Variants in DMRTA2 observed in about 807,000 individuals in gnomAD.
The protein encoded by DMRTA2 is doublesex- and mab-3-related transcription factor A2.
A neutral mutation model predicts 29.7 loss-of-function variants in DMRTA2; 10 were observed. The ratio of observed to expected loss-of-function variants is 0.34; its 90% CI spans 0.21 to 0.57. The LOEUF (loss-of-function observed/expected upper bound fraction) is 0.57. Ranked by LOEUF, DMRTA2 falls within the 20% of genes least tolerant of loss-of-function variation. DMRTA2 has a pLI of 0.87. For missense variants in DMRTA2, 783 were observed against 812.1 expected, an observed-to-expected ratio of 0.96 and a Z score of 0.44; for synonymous variants, 469 against 402.6, an observed-to-expected ratio of 1.16 and a Z score of -1.97.
At position 50,419,478 on chromosome 1, in the gene DMRTA2, G is replaced by A. The variant is rs1317062856; in HGVS notation, c.816C>T (p.Gly272=). The change falls in exon 3 of 3, where the codon GGC becomes GGT. Residue 272 remains glycine (G), a synonymous_variant. Coordinates refer to ENST00000404795, the MANE Select transcript of DMRTA2 (RefSeq NM_032110.3). This position sits in a 1 kb window ranked among gnomAD's most constrained non-coding sequence, Gnocchi z 6.1. ...SCPGSAGPGG[G]GEEDSPGSAS... ...CGGAGCCCGGGCTGTCCTCCTCGCCGCCGCCGCCAGGGCCAGCGCTGCCTG... is the reference window on the plus strand; with the variant it reads ...CGGAGCCCGGGCTGTCCTCCTCGCCACCGCCGCCAGGGCCAGCGCTGCCTG... 2 of 1,593,742 alleles carry A rather than the reference G, an allele frequency of 1.3e-6. No individual in the cohort carries two copies. Among genetic ancestry groups the A allele is most frequent in the Non-Finnish European group, 8.5e-7 (1 of 1,175,154 alleles).
Position 50,421,495 on chromosome 1 carries a change from C to A in DMRTA2, c.42G>T (p.Ala14=). 1 of 1,272,224 alleles carries A rather than the reference C, an allele frequency of 7.9e-7. No individual in the cohort carries two copies. Among genetic ancestry groups the A allele is most frequent in the Non-Finnish European group, 9.8e-7 (1 of 1,015,554 alleles). 78.8% of individuals were successfully genotyped at this position (1,272,224 alleles called of 1,614,324 possible). The change falls in exon 2 of 3, where the codon GCG becomes GCT. Residue 14 remains alanine, a synonymous_variant. Transcript: ENST00000404795. This position sits in a 1 kb window ranked among gnomAD's most constrained non-coding sequence, Gnocchi z 8.7. ...RSELPSVPGA[A]TAAAATATGP... ...CCGTCGCTGTTGCCGCCGCCGCCGT[C>A]GCCGCGCCGGGCACGCTGGGCAGCT...
In DMRTA2 at chr1:50,419,177, C is replaced by T. The variant is rs1216004882; in HGVS notation, c.1117G>A (p.Val373Met). The T allele has an allele frequency of 3.0e-6, 4 of 1,342,012 alleles. No individual in the cohort carries two copies. Among genetic ancestry groups the T allele is most frequent in the Non-Finnish European group, 3.8e-6 (4 of 1,053,176 alleles). The allele number at this position is 1,342,012 out of a possible 1,614,324, so 83.1% of individuals were successfully genotyped here. The change falls in exon 3 of 3, where the codon GTG (valine) becomes ATG (methionine). Residue 373 changes from valine to methionine, a missense_variant. Physicochemically the swap from Val to Met is conservative, Grantham distance 21 (BLOSUM62 1). Around this residue, in one of 3 missense-constraint regions of DMRTA2, gnomAD observed 667 missense variants for 624.8 expected, o/e 1.07. Transcript: ENST00000404795. The surrounding 1 kb of genome is among the most constrained non-coding windows in gnomAD (Gnocchi z 6.1). The stretch of plus-strand genomic sequence containing the variant: ...TCGTCTGCAGCTGCTGCAGCACCCA[C>T]GGCGGCCTTATCTGGGGGCGCCGCA... ...GPAAPPDKAA[V>M]GAAAAADDAW...
Position 50,420,322 on chromosome 1 carries a change from G to A in DMRTA2, c.560-588C>T, listed in dbSNP as rs75511737. ...ATCCCTCCTTTCCCTCAACGGCTCT[G>A]GCCTAATTTCTTCCCTCCCCACAAA... is the stretch of plus-strand genomic sequence containing the variant. On this transcript the variant is annotated intron_variant, in intron 2 of 2. Coordinates refer to ENST00000404795, the MANE Select transcript of DMRTA2 (RefSeq NM_032110.3). This position sits in a 1 kb window ranked among gnomAD's most constrained non-coding sequence, Gnocchi z 4.1. Among the ~76,000 whole-genome samples the A allele has an allele frequency of 2.4e-4, 37 of 152,216 alleles. No homozygotes were observed. The highest frequency in any genetic ancestry group is 8.2e-4 in the African/African-American group (34 of 41,524).
At position 50,418,669 on chromosome 1, in the gene DMRTA2, T is replaced by C; in HGVS notation, c.1625A>G (p.Gln542Arg). 1 of 1,399,386 alleles carries C rather than the reference T, an allele frequency of 7.1e-7. No individual in the cohort carries two copies. The allele number at this position is 1,399,386 out of a possible 1,614,324, so 86.7% of individuals were successfully genotyped here. A position where few individuals can be genotyped will look rare whatever the true frequency, so the allele number is the denominator to read the frequency against. Residue 542 changes from glutamine to arginine, a missense_variant, in exon 3 of 3, where the codon CAG becomes CGG. By Grantham distance (43) the Gln-to-Arg change is conservative. Transcript: ENST00000404795. ...CCGGCTGCCAGGCCCCTCGCCCTAC[T>C]GCTTCTCCGGAGCGCCGTTGACCAT... ...GPMVNGAPEKQ is the reference protein window; with the variant it reads ...GPMVNGAPEKR
Position 50,420,998 on chromosome 1 carries a change from G to A in DMRTA2, c.539C>T (p.Ala180Val), listed in dbSNP as rs1342989117. ...CTCACCTGAGCCCCCTGCGCCAGCT[G>A]CTCCGCCTCCGGTCCCCGCGGGCGC... ...AGAPAGTGGG[A>V]AGAGGSEAKL... The change falls in exon 2 of 3, where the codon GCA (alanine) becomes GTA (valine). Residue 180 changes from alanine to valine, a missense_variant. Around this residue, in one of 3 missense-constraint regions of DMRTA2, gnomAD observed 667 missense variants for 624.8 expected, o/e 1.07. Transcript: ENST00000404795. This position sits in a 1 kb window ranked among gnomAD's most constrained non-coding sequence, Gnocchi z 4.1. 1.3e-6 allele frequency: 2 copies of A among 1,503,666 alleles called. No homozygotes were observed. The highest frequency in any genetic ancestry group is 2.5e-5 in the South Asian group (2 of 80,944). The allele number at this position is 1,503,666 out of a possible 1,614,324, so 93.1% of individuals were successfully genotyped here. A position where few individuals can be genotyped will look rare whatever the true frequency, so the allele number is the denominator to read the frequency against.
At chr1:50,423,072 C>G (rs1261768051) in intron 1 of DMRTA2, 44 bp downstream of exon 1, 2 of 152,408 alleles carry the variant, frequency 1.3e-5, no homozygotes, top group Non-Finnish European at 2.9e-5. Context: ...GGCCGCAGAC[C>G]AGGTCTCCAC....
At position 50,419,122 on chromosome 1, in the gene DMRTA2, G is replaced by T. The variant is rs1487178666; in HGVS notation, c.1172C>A (p.Ala391Asp). 1 of 1,194,936 alleles carries T rather than the reference G, an allele frequency of 8.4e-7. No individual in the cohort carries two copies. The highest frequency in any genetic ancestry group is 1.0e-6 in the Non-Finnish European group (1 of 969,284). 74.0% of individuals were successfully genotyped at this position (1,194,936 alleles called of 1,614,324 possible). The change falls in exon 3 of 3, where the codon GCC becomes GAC. Residue 391 changes from alanine (A) to aspartate (D), a missense_variant. By Grantham distance (126) the Ala-to-Asp change is moderately radical (BLOSUM62 -2). Coordinates refer to ENST00000404795, the MANE Select transcript of DMRTA2 (RefSeq NM_032110.3). This position sits in a 1 kb window ranked among gnomAD's most constrained non-coding sequence, Gnocchi z 6.1. The stretch of plus-strand genomic sequence containing the variant: ...CCCCCCGGCGGCGGCGGCGGCGGCG[G>T]CGGCGGCGTCGACGCGGCTGGGCCA... ...DAWPSRVDAA[A>D]AAAAAAGGPG...
rs1180664979 is a variant in DMRTA2 at position 50,418,243 on chromosome 1, T to A, written c.*422A>T. On this transcript the variant is annotated 3_prime_UTR_variant, in exon 3 of 3. Coordinates refer to ENST00000404795, the MANE Select transcript of DMRTA2 (RefSeq NM_032110.3). Reference sequence around the variant, plus strand: ...TGTTAGAGCGAATATTTAAATTTTTTAAAAGTGAGGGCTGGGGAGACACAG... The same window carrying A: ...TGTTAGAGCGAATATTTAAATTTTTAAAAAGTGAGGGCTGGGGAGACACAG... 1.2e-5 allele frequency: 2 copies of A among 160,094 alleles called. No homozygotes were observed. Among genetic ancestry groups the A allele is most frequent in the African/African-American group, 2.4e-5 (1 of 41,842 alleles). 9.9% of individuals were successfully genotyped at this position (160,094 alleles called of 1,614,324 possible).
chr1:50,420,954 C>CAG lies in DMRTA2; in HGVS notation c.559+23_559+24insCT, dbSNP rs1200589643. On this transcript the variant is annotated intron_variant, in intron 2 of 2. Coordinates refer to ENST00000404795, the MANE Select transcript of DMRTA2 (RefSeq NM_032110.3). The surrounding 1 kb of genome is among the most constrained non-coding windows in gnomAD (Gnocchi z 4.1). ...CAGAGCTACGATCCTGCTGCCCCTA[C>CAG]CTGCGGCCTGGCCGCGCTCTCACCT... 15 of 1,433,816 alleles carry CAG rather than the reference C, an allele frequency of 1.0e-5. No homozygotes were observed. The East Asian group carries it at 4.3e-4, about 41-fold the overall frequency. The allele number at this position is 1,433,816 out of a possible 1,614,324, so 88.8% of individuals were successfully genotyped here.
rs747429451 is a variant in DMRTA2 at position 50,422,516 on chromosome 1, G to C, written c.-9+600C>G. On this transcript the variant is annotated intron_variant, in intron 1 of 2. Coordinates refer to ENST00000404795, the MANE Select transcript of DMRTA2 (RefSeq NM_032110.3). The surrounding 1 kb of genome is among the most constrained non-coding windows in gnomAD (Gnocchi z 5.7). ...CCCACAGGCAAATGCTGGGGGAGGG[G>C]ATTGGGTAAAACCTGTGGTGCAGTT... Among the ~76,000 whole-genome samples, 4 of 152,202 alleles carry C rather than the reference G, an allele frequency of 2.6e-5. No individual in the cohort carries two copies. The highest frequency in any genetic ancestry group is 4.4e-5 in the Non-Finnish European group (3 of 68,038).
chr1:50,419,533 C>A lies in DMRTA2; in HGVS notation c.761G>T (p.Arg254Leu), dbSNP rs1646020109. The part of the protein sequence containing the change: ...GESFSGSPLA[R>L]ASKEAGGSCP... Reference sequence around the variant, plus strand: ...GCTGCCACCTGCCTCTTTGGAGGCCCGAGCTAGGGGCGAACCAGAAAAGGA... The same window carrying A: ...GCTGCCACCTGCCTCTTTGGAGGCCAGAGCTAGGGGCGAACCAGAAAAGGA... The change falls in exon 3 of 3, where the codon CGG becomes CTG. Residue 254 changes from arginine to leucine, a missense_variant. Physicochemically the swap from Arg to Leu is moderately radical, Grantham distance 102. This residue lies in a region of DMRTA2 where 667 missense variants were observed against 624.8 expected (regional missense o/e 1.07). Transcript: ENST00000404795. This position sits in a 1 kb window ranked among gnomAD's most constrained non-coding sequence, Gnocchi z 6.1. 1 of 1,583,850 alleles carries A rather than the reference C, an allele frequency of 6.3e-7. No individual in the cohort carries two copies. The highest frequency in any genetic ancestry group is 8.6e-7 in the Non-Finnish European group (1 of 1,167,988).
At position 50,418,071 on chromosome 1, in the gene DMRTA2, A is replaced by G. The variant is rs1344912935; in HGVS notation, c.*594T>C. On this transcript the variant is annotated 3_prime_UTR_variant, in exon 3 of 3. Transcript: ENST00000404795. The stretch of plus-strand genomic sequence containing the variant: ...ACCAAGGAAACCCATGCTTATCGGC[A>G]TAAGCAACAAAGAGAGCGACAAATA... 6.6e-6 allele frequency: 1 copy of G among 151,984 alleles called. No homozygotes were observed. Among genetic ancestry groups the G allele is most frequent in the Non-Finnish European group, 1.5e-5 (1 of 68,032 alleles). 9.4% of individuals were successfully genotyped at this position (151,984 alleles called of 1,614,324 possible). A position where few individuals can be genotyped will look rare whatever the true frequency, so the allele number is the denominator to read the frequency against.
In DMRTA2 at chr1:50,419,842, T is replaced by C. The variant is rs1384880415; in HGVS notation, c.560-108A>G. 5.3e-6 allele frequency: 5 copies of C among 934,902 alleles called. No individual in the cohort carries two copies. Among genetic ancestry groups the C allele is most frequent in the Non-Finnish European group, 7.6e-6 (5 of 660,734 alleles). The allele number at this position is 934,902 out of a possible 1,614,324, so 57.9% of individuals were successfully genotyped here. On this transcript the variant is annotated intron_variant, in intron 2 of 2. Transcript: ENST00000404795. This position sits in a 1 kb window ranked among gnomAD's most constrained non-coding sequence, Gnocchi z 6.1. ...TCCTCTCCCTCAGCCCCACAGCCCTTATTCACTAGGCTCCAGTGCCCCTCT... is the reference window on the plus strand; with the variant it reads ...TCCTCTCCCTCAGCCCCACAGCCCTCATTCACTAGGCTCCAGTGCCCCTCT...
chr1:50,419,052 CG>C lies in DMRTA2; in HGVS notation c.1241del (p.Pro414ArgfsTer19). The C allele has an allele frequency of 7.6e-7, 1 of 1,314,106 alleles. No individual in the cohort carries two copies. Among genetic ancestry groups the C allele is most frequent in the South Asian group, 2.1e-5 (1 of 46,804 alleles). The allele number at this position is 1,314,106 out of a possible 1,614,324, so 81.4% of individuals were successfully genotyped here. A position where few individuals can be genotyped will look rare whatever the true frequency, so the allele number is the denominator to read the frequency against. On this transcript the variant is annotated frameshift_variant, in exon 3 of 3. Coordinates refer to ENST00000404795, the MANE Select transcript of DMRTA2 (RefSeq NM_032110.3). LOFTEE classifies it high-confidence loss of function. The surrounding 1 kb of genome is among the most constrained non-coding windows in gnomAD (Gnocchi z 6.1). ...APLQAGPAAP[P>X]HHRPLLAGAM... ...CGCCGGCCAGCAAGGGTCTGTGGTG[CG>C]GAGGTGCGGCGGGCCCCGCCTGCAG...
At position 50,421,012 on chromosome 1, in the gene DMRTA2, C is replaced by T; in HGVS notation, c.525G>A (p.Gly175=). 4 of 1,507,854 alleles carry T rather than the reference C, an allele frequency of 2.7e-6. No individual in the cohort carries two copies. Among genetic ancestry groups the T allele is most frequent in the Non-Finnish European group, 3.5e-6 (4 of 1,135,198 alleles). The allele number at this position is 1,507,854 out of a possible 1,614,324, so 93.4% of individuals were successfully genotyped here. A position where few individuals can be genotyped will look rare whatever the true frequency, so the allele number is the denominator to read the frequency against. The part of the protein sequence containing the change: ...GGGPGAGAPA[G]TGGGAAGAGG... ...CTGCGCCAGCTGCTCCGCCTCCGGTCCCCGCGGGCGCTCCCGCTCCAGGTC... is the reference window on the plus strand; with the variant it reads ...CTGCGCCAGCTGCTCCGCCTCCGGTTCCCGCGGGCGCTCCCGCTCCAGGTC... Residue 175 remains glycine (G), a synonymous_variant, in exon 2 of 3, where the codon GGG becomes GGA. Transcript: ENST00000404795. This position sits in a 1 kb window ranked among gnomAD's most constrained non-coding sequence, Gnocchi z 8.7.
Position 50,418,607 on chromosome 1 carries a change from C to T in DMRTA2, c.*58G>A. ...GCTGGGCGAAGAGGGGTCGATGGCC[C>T]GCGGGAACAGGGCTGGGGTTCCTGT... is the stretch of plus-strand genomic sequence containing the variant. On this transcript the variant is annotated 3_prime_UTR_variant, in exon 3 of 3. Transcript: ENST00000404795. The T allele has an allele frequency of 3.1e-6, 4 of 1,299,336 alleles. No individual in the cohort carries two copies. Among genetic ancestry groups the T allele is most frequent in the Non-Finnish European group, 3.0e-6 (3 of 1,009,974 alleles). 80.5% of individuals were successfully genotyped at this position (1,299,336 alleles called of 1,614,324 possible).
In DMRTA2 at chr1:50,421,060, T is replaced by A; in HGVS notation, c.477A>T (p.Ser159=). 1 of 1,518,016 alleles carries A rather than the reference T, an allele frequency of 6.6e-7. No homozygotes were observed. Among genetic ancestry groups the A allele is most frequent in the African/African-American group, 1.4e-5 (1 of 69,834 alleles). 94.0% of individuals were successfully genotyped at this position (1,518,016 alleles called of 1,614,324 possible). The change falls in exon 2 of 3, where the codon TCA becomes TCT. Residue 159 remains serine, a synonymous_variant. Coordinates refer to ENST00000404795, the MANE Select transcript of DMRTA2 (RefSeq NM_032110.3). This position sits in a 1 kb window ranked among gnomAD's most constrained non-coding sequence, Gnocchi z 8.7. ...GTCCCCCGCCGTCGGCGGCGCACACTGAACCGAAGACCTCGTAGGCGGGCC... is the reference window on the plus strand; with the variant it reads ...GTCCCCCGCCGTCGGCGGCGCACACAGAACCGAAGACCTCGTAGGCGGGCC... The part of the protein sequence containing the change: ...PPRPAYEVFG[S]VCAADGGGPG...
rs1468145490 is a variant in DMRTA2, at chr1:50,419,739, G to T, written c.560-5C>A. The T allele has an allele frequency of 4.5e-5, 66 of 1,462,768 alleles. No individual in the cohort carries two copies. The highest frequency in any genetic ancestry group is 5.5e-5 in the Non-Finnish European group (61 of 1,109,618). 90.6% of individuals were successfully genotyped at this position (1,462,768 alleles called of 1,614,324 possible). A position where few individuals can be genotyped will look rare whatever the true frequency, so the allele number is the denominator to read the frequency against. ...CAAACTTCTGCAACTTGGCCTCTGG[G>T]AGGGGAGAAAACGTGTCGTGAGGAG... On this transcript the variant is annotated splice_region_variant and splice_polypyrimidine_tract_variant and intron_variant, in intron 2 of 2. Transcript: ENST00000404795. The surrounding 1 kb of genome is among the most constrained non-coding windows in gnomAD (Gnocchi z 6.1).
In DMRTA2 at chr1:50,419,695, A is replaced by T; in HGVS notation, c.599T>A (p.Leu200Gln). 1.3e-6 allele frequency: 2 copies of T among 1,502,496 alleles called. No individual in the cohort carries two copies. The highest frequency in any genetic ancestry group is 1.8e-6 in the Non-Finnish European group (2 of 1,130,196). 93.1% of individuals were successfully genotyped at this position (1,502,496 alleles called of 1,614,324 possible). ...GCTGCCCGGGCGGCCTGCCTGCAGC[A>T]GCGTCTTAGGAAACAGGTCAAACTT... Reference protein sequence around the residue: ...LQKFDLFPKTLLQAGRPGSPL... With the variant: ...LQKFDLFPKTQLQAGRPGSPL... The change falls in exon 3 of 3, where the codon CTG (leucine) becomes CAG (glutamine). Residue 200 changes from leucine to glutamine, a missense_variant. Physicochemically the swap from Leu to Gln is moderately radical, Grantham distance 113. Around this residue, in one of 3 missense-constraint regions of DMRTA2, gnomAD observed 667 missense variants for 624.8 expected, o/e 1.07. Coordinates refer to ENST00000404795, the MANE Select transcript of DMRTA2 (RefSeq NM_032110.3). This position sits in a 1 kb window ranked among gnomAD's most constrained non-coding sequence, Gnocchi z 6.1.
Sources: gnomAD v4.1 joint callset for allele counts (sites outside exome capture counted in the v4.1 genomes callset) on GRCh38, gnomAD v4.1.1 for gene constraint, gnomAD v4.1.1 regional missense constraint, Gnocchi (gnomAD v3.1) non-coding constraint, MANE v1.5 for transcripts, NCBI Gene and HGNC (gene_info 2026-07-23, HGNC 2026-07-21) for gene names.